Variants in MATCAP2 observed in about 807,000 individuals in gnomAD.
MATCAP2 encodes putative tyrosine carboxypeptidase MATCAP2.
chr7:36,356,147 C>T, the MATCAP2 span: 3 of 152,150 alleles, frequency 2.0e-5, no homozygotes, highest in Admixed American at 1.3e-4. Flanking sequence ...AACTACTTAC[C>T]GGAGCCTAAG....
the MATCAP2 span, among the ~76,000 whole-genome samples, chr7:36,344,686 G>A: frequency 2.6e-5 from 4 of 152,130 alleles, no homozygotes; most frequent in Admixed American, 1.3e-4. Context: ...AGAAATACAT[G>A]AAATTGTTTT....
the MATCAP2 span, among the ~76,000 whole-genome samples, chr7:36,380,250 G>T: frequency 2.0e-5 from 3 of 152,194 alleles, no homozygotes; most frequent in African/African-American, 7.2e-5. Context: ...ATCTCTGAGT[G>T]CTTTCCTTGG....
At chr7:36,327,590 A>G in the MATCAP2 span, among the ~76,000 whole-genome samples, 1 of 152,252 alleles carries the variant, frequency 6.6e-6, no homozygotes, top group Non-Finnish European at 1.5e-5. Context: ...TAAAAGAATC[A>G]AAATAACTAG....
At chr7:36,357,422 T>A in the MATCAP2 span, 1 of 1,614,166 alleles carries the variant, frequency 6.2e-7, no homozygotes, top group African/African-American at 1.3e-5. Flanking sequence ...CTTTTTTTCC[T>A]CCTTGCTCTG....
At chr7:36,389,952 T>G in the MATCAP2 span, 16 of 1,613,014 alleles carry the variant, frequency 9.9e-6, no homozygotes, top group Non-Finnish European at 1.2e-5. Flanking sequence ...GGAGACACAC[T>G]GAGCTGAGAC....
At chr7:36,359,755 T>C in the MATCAP2 span, among the ~76,000 whole-genome samples, 1 of 152,196 alleles carries the variant, frequency 6.6e-6, no homozygotes, top group African/African-American at 2.4e-5. Context: ...AGGAGTTTCA[T>C]AGACTTACGT....
chr7:36,382,501 T>G, the MATCAP2 span, among the ~76,000 whole-genome samples: 122,705 of 151,242 alleles, frequency 0.81, 49,832 homozygotes, highest in Non-Finnish European at 0.84. Flanking sequence ...CTTTTTTTTT[T>G]TTTTGTTTTG....
At chr7:36,333,816 A>T in the MATCAP2 span, 1 of 1,463,268 alleles carries the variant, frequency 6.8e-7, no homozygotes, top group Non-Finnish European at 9.3e-7. Context: ...CTAGACAACT[A>T]GTCAGTAAGT....
At chr7:36,365,695 T>A in the MATCAP2 span, among the ~76,000 whole-genome samples, 1 of 152,204 alleles carries the variant, frequency 6.6e-6, no homozygotes, top group African/African-American at 2.4e-5. Flanking sequence ...CGAGACTCCG[T>A]CTCAAAAACA....
the MATCAP2 span, among the ~76,000 whole-genome samples, chr7:36,340,392 TG>T: frequency 1.3e-5 from 2 of 152,188 alleles, no homozygotes; most frequent in African/African-American, 4.8e-5. Context: ...GTGGGATTTT[TG>T]TTTGTTTCTT....
At chr7:36,382,322 AAAG>A in the MATCAP2 span, among the ~76,000 whole-genome samples, 4 of 150,600 alleles carry the variant, frequency 2.7e-5, no homozygotes, top group African/African-American at 4.9e-5. Flanking sequence ...AAAAAAAAAA[AAAG>A]AAGATTTGCA....
the MATCAP2 span, chr7:36,337,628 C>G: frequency 1.3e-5 from 2 of 152,064 alleles, no homozygotes; most frequent in Admixed American, 6.5e-5. Flanking sequence ...GAGCAAGTCA[C>G]TAAACTTGTT....
the MATCAP2 span, among the ~76,000 whole-genome samples, chr7:36,334,361 AC>A: frequency 6.6e-6 from 1 of 151,880 alleles, no homozygotes; most frequent in Admixed American, 6.6e-5. Context: ...ACATGGTGAA[AC>A]ATGTCTACCA....
the MATCAP2 span, among the ~76,000 whole-genome samples, chr7:36,352,107 A>C: frequency 4.6e-5 from 7 of 151,948 alleles, no homozygotes; most frequent in Non-Finnish European, 1.0e-4. Context: ...CTTAAAATTA[A>C]ACTTTTCACT....
At chr7:36,370,735 C>T in the MATCAP2 span, among the ~76,000 whole-genome samples, 1 of 152,230 alleles carries the variant, frequency 6.6e-6, no homozygotes, top group Non-Finnish European at 1.5e-5. Flanking sequence ...CCCACCTTGG[C>T]CTCACAAAGT....
the MATCAP2 span, among the ~76,000 whole-genome samples, chr7:36,346,103 T>C: frequency 5.9e-5 from 9 of 152,112 alleles, no homozygotes; most frequent in South Asian, 4.2e-4. Flanking sequence ...GAGATACCAC[T>C]TCACTCCCAC....
the MATCAP2 span, among the ~76,000 whole-genome samples, chr7:36,375,666 C>A: frequency 6.6e-6 from 1 of 152,280 alleles, no homozygotes; most frequent in African/African-American, 2.4e-5. Context: ...AGGAATGGTA[C>A]CAGCTCCTCT....
the MATCAP2 span, among the ~76,000 whole-genome samples, chr7:36,369,955 T>A: frequency 1.3e-5 from 2 of 152,194 alleles, no homozygotes; most frequent in African/African-American, 4.8e-5. Flanking sequence ...ACCCTACCAA[T>A]ATTTTCTTGT....
the MATCAP2 span, chr7:36,367,045 G>A: frequency 3.1e-6 from 4 of 1,275,368 alleles, no homozygotes; most frequent in South Asian, 1.2e-4. Flanking sequence ...TGGCGGGGGC[G>A]CGGCGGGAGG....
Sources: gnomAD v4.1 joint callset for allele counts (sites outside exome capture counted in the v4.1 genomes callset) on GRCh38, gnomAD v4.1.1 for gene constraint, MANE v1.5 for transcripts, NCBI Gene and HGNC (gene_info 2026-07-23, HGNC 2026-07-21) for gene names.